ENAH: variants seen among roughly 807,000 people sequenced by gnomAD.
ENAH encodes ENAH actin regulator.
Under a neutral mutation model 78.7 loss-of-function variants are expected in ENAH, and 23 were observed. The ratio of observed to expected loss-of-function variants is 0.29; its 90% CI spans 0.21 to 0.41. The LOEUF (loss-of-function observed/expected upper bound fraction) is 0.41. ENAH is among the 10% of genes least tolerant of loss of function. The probability of loss-of-function intolerance (pLI) is 1.00; values close to 1 mark genes in which losing one functional copy is unlikely to be tolerated. For synonymous variants in ENAH, 226 were observed against 241.0 expected, an observed-to-expected ratio of 0.94 and a Z score of 0.58; for missense variants, 544 against 691.0, an observed-to-expected ratio of 0.79 and a Z score of 2.39.
chr1:225,567,872 A>G (rs897462751), intron 1 of ENAH, among the ~76,000 whole-genome samples: 1 of 152,160 alleles, frequency 6.6e-6, no homozygotes, highest in African/African-American at 2.4e-5. Context: ...CCTGTCTGTG[A>G]TAACACCTTC....
chr1:225,646,383 C>T (rs1023432556), intron 1 of ENAH, among the ~76,000 whole-genome samples: 5 of 152,058 alleles, frequency 3.3e-5, no homozygotes, highest in Non-Finnish European at 5.9e-5. Context: ...CTCATCTCCC[C>T]GACCCCAGGA....
Position 225,488,151 on chromosome 1 carries a change from G to A in ENAH, c.*9624C>T, listed in dbSNP as rs185654561. On this transcript the variant is annotated 3_prime_UTR_variant, in exon 14 of 14. Transcript: ENST00000366843. ...GGCAGCAGACAGCACAATAGTCAAG[G>A]ACAAGGTTTTTATTTATTTATTTAT... 4 of 152,062 alleles carry A rather than the reference G, an allele frequency of 2.6e-5. No individual in the cohort carries two copies. Among genetic ancestry groups the A allele is most frequent in the African/African-American group, 9.6e-5 (4 of 41,506 alleles). 9.4% of individuals were successfully genotyped at this position (152,062 alleles called of 1,614,324 possible).
At chr1:225,602,142 GAAGA>G (rs1383244668) in intron 1 of ENAH, among the ~76,000 whole-genome samples, 1 of 152,054 alleles carries the variant, frequency 6.6e-6, no homozygotes, top group African/African-American at 2.4e-5. Context: ...AAAATTATCA[GAAGA>G]AATAAAGAGG....
At chr1:225,580,665 C>T (rs1019259238) in intron 1 of ENAH, among the ~76,000 whole-genome samples, 2 of 152,116 alleles carry the variant, frequency 1.3e-5, no homozygotes, top group African/African-American at 2.4e-5. Flanking sequence ...CGCCTGTAAT[C>T]CCAGCACTTT....
intron 1 of ENAH, among the ~76,000 whole-genome samples, chr1:225,615,731 C>T (rs1310564186): frequency 7.3e-5 from 11 of 150,294 alleles, no homozygotes; most frequent in South Asian, 2.1e-4. Context: ...TCTGCCCGAC[C>T]GCCACCCCGT....
chr1:225,633,314 T>G (rs1220816759), intron 1 of ENAH, among the ~76,000 whole-genome samples: 1 of 151,978 alleles, frequency 6.6e-6, no homozygotes, highest in Non-Finnish European at 1.5e-5. Context: ...CCTCCCGAAG[T>G]GCTGGGATTA....
rs1256353083 is a variant in ENAH, at chr1:225,567,301, T to C, written c.119A>G (p.His40Arg). Reference protein sequence around the residue: ...TGFSRVHIYHHTGNNTFRVVG... With the variant: ...TGFSRVHIYHRTGNNTFRVVG... ...CACTCTGAATGTGTTGTTGCCTGTA[T>C]GGTGATAGATATGAACTCTGCTGAA... The change falls in exon 2 of 14, where the codon CAT (histidine) becomes CGT (arginine). Residue 40 changes from histidine (H) to arginine (R), a missense_variant. This residue lies in a region of ENAH where 77 missense variants were observed against 151.8 expected (regional missense o/e 0.51). Coordinates refer to ENST00000366843, the MANE Select transcript of ENAH (RefSeq NM_018212.6). 3 of 1,614,054 alleles carry C rather than the reference T, an allele frequency of 1.9e-6. No individual in the cohort carries two copies. The highest frequency in any genetic ancestry group is 3.3e-5 in the Admixed American group (2 of 59,998).
chr1:225,561,978 T>A (rs1020864658), intron 2 of ENAH, among the ~76,000 whole-genome samples: 2 of 152,152 alleles, frequency 1.3e-5, no homozygotes, highest in Non-Finnish European at 2.9e-5. Flanking sequence ...TTTACACTTA[T>A]CACAACTGAA....
chr1:225,650,845 A>AT lies in ENAH; in HGVS notation c.5+1840dup, dbSNP rs1275577602. On this transcript the variant is annotated intron_variant, in intron 1 of 13. Coordinates refer to ENST00000366843, the MANE Select transcript of ENAH (RefSeq NM_018212.6). ...AGCCTGGGCAAGAGAGCAAGACTGC[A>AT]TTTAAAAAAAAAAAAAAAAAAAAAA... Among the ~76,000 whole-genome samples the AT allele has an allele frequency of 3.0e-5, 3 of 99,602 alleles. No homozygotes were observed. In the Admixed American group the frequency reaches 3.4e-4, roughly 11 times the overall value. The allele number at this position is 99,602 out of a possible 152,430, so 65.3% of individuals were successfully genotyped here. A position where few individuals can be genotyped will look rare whatever the true frequency, so the allele number is the denominator to read the frequency against.
In ENAH at chr1:225,652,738, G is replaced by A; in HGVS notation, c.-48C>T. ...CCCCACCAGCCGGGAGACGCAGAAGGCGCCGAGCCGAGGGGGGGGTCTCTC... is the reference window on the plus strand; with the variant it reads ...CCCCACCAGCCGGGAGACGCAGAAGACGCCGAGCCGAGGGGGGGGTCTCTC... On this transcript the variant is annotated 5_prime_UTR_variant, in exon 1 of 14. Coordinates refer to ENST00000366843, the MANE Select transcript of ENAH (RefSeq NM_018212.6). The A allele has an allele frequency of 7.6e-7, 1 of 1,312,838 alleles. No homozygotes were observed. The highest frequency in any genetic ancestry group is 9.7e-7 in the Non-Finnish European group (1 of 1,032,726). 81.3% of individuals were successfully genotyped at this position (1,312,838 alleles called of 1,614,324 possible). A position where few individuals can be genotyped will look rare whatever the true frequency, so the allele number is the denominator to read the frequency against.
At position 225,519,195 on chromosome 1, in the gene ENAH, T is replaced by C. The variant is rs2096446074; in HGVS notation, c.802+3A>G. 1 of 1,613,182 alleles carries C rather than the reference T, an allele frequency of 6.2e-7. No individual in the cohort carries two copies. The highest frequency in any genetic ancestry group is 8.5e-7 in the Non-Finnish European group (1 of 1,179,216). On this transcript the variant is annotated splice_donor_region_variant and intron_variant, in intron 5 of 13. Transcript: ENST00000366843. ...AACACAGAAGAGTTTGTAAACTTCT[T>C]ACCAGCACTTGATATTCTGCGCTCT...
At chr1:225,539,020 A>G (rs554197609) in intron 3 of ENAH, among the ~76,000 whole-genome samples, 1 of 152,340 alleles carries the variant, frequency 6.6e-6, no homozygotes, top group African/African-American at 2.4e-5. Flanking sequence ...ATTATTGAGT[A>G]TATGCTCAGA....
intron 2 of ENAH, among the ~76,000 whole-genome samples, chr1:225,566,639 CT>C (rs1332763133): frequency 1.8e-4 from 28 of 152,122 alleles, no homozygotes; most frequent in African/African-American, 6.0e-4. Flanking sequence ...CTAGTAAGAG[CT>C]TATCTGCCTT....
intron 2 of ENAH, among the ~76,000 whole-genome samples, chr1:225,555,401 T>C (rs565577849): frequency 6.6e-6 from 1 of 152,078 alleles, no homozygotes; most frequent in East Asian, 1.9e-4. Context: ...GCTAACACGG[T>C]GAAACCCCAT....
At chr1:225,547,073 GT>G (rs1366174975) in intron 3 of ENAH, among the ~76,000 whole-genome samples, 2 of 145,764 alleles carry the variant, frequency 1.4e-5, no homozygotes, top group Non-Finnish European at 3.0e-5. Flanking sequence ...TGTTGTTTTT[GT>G]TTTGTTTTTT....
chr1:225,644,839 C>T (rs550416418), intron 1 of ENAH, among the ~76,000 whole-genome samples: 80 of 152,246 alleles, frequency 5.3e-4, no homozygotes, highest in African/African-American at 1.9e-3. Context: ...ACCTCATTCC[C>T]CAAAGACAAA....
intron 1 of ENAH, among the ~76,000 whole-genome samples, chr1:225,607,566 C>CCAGAT (rs2096963307): frequency 6.7e-6 from 1 of 150,286 alleles, no homozygotes; most frequent in Non-Finnish European, 1.5e-5. Flanking sequence ...CGGAGCCATT[C>CCAGAT]ATCGAAATCC....
intron 1 of ENAH, among the ~76,000 whole-genome samples, chr1:225,581,500 T>C (rs1301720421): frequency 6.6e-6 from 1 of 152,056 alleles, no homozygotes; most frequent in South Asian, 2.1e-4. Context: ...GGTTATTAAT[T>C]TCAATGAATG....
intron 1 of ENAH, among the ~76,000 whole-genome samples, chr1:225,603,248 G>A (rs1208893359): frequency 6.6e-6 from 1 of 151,944 alleles, no homozygotes; most frequent in East Asian, 1.9e-4. Flanking sequence ...AAATAATTAA[G>A]CAAATATTTA....
Sources: allele counts gnomAD v4.1 joint callset (sites outside exome capture counted in the v4.1 genomes callset), GRCh38; gene constraint gnomAD v4.1.1; regional missense constraint gnomAD v4.1.1; transcripts MANE v1.5; gene names NCBI Gene and HGNC (gene_info 2026-07-23, HGNC 2026-07-21).